STARD13: variants seen among roughly 807,000 people sequenced by gnomAD.
The protein encoded by STARD13 is stAR-related lipid transfer protein 13.
Under a neutral mutation model 106.4 loss-of-function variants are expected in STARD13, and 62 were observed. The ratio of observed to expected loss-of-function variants is 0.58; its 90% confidence interval spans 0.48 to 0.72. The LOEUF (loss-of-function observed/expected upper bound fraction) is 0.72. STARD13 is among the 30% of genes least tolerant of loss of function. The pLI is 0.00. For synonymous variants in STARD13, 565 were observed against 553.0 expected, an observed-to-expected ratio of 1.02 and a Z score of -0.31; for missense variants, 1,387 against 1,424.0, an observed-to-expected ratio of 0.97 and a Z score of 0.42.
the STARD13 span, among the ~76,000 whole-genome samples, chr13:33,425,489 T>C: frequency 6.6e-6 from 1 of 152,144 alleles, no homozygotes; most frequent in Non-Finnish European, 1.5e-5. Context: ...TTCTAGAATG[T>C]GTGCATTTGG....
chr13:33,655,116 T>A, the STARD13 span, among the ~76,000 whole-genome samples: 1 of 152,248 alleles, frequency 6.6e-6, no homozygotes, highest in Non-Finnish European at 1.5e-5. Flanking sequence ...TTGACTTTAA[T>A]GGGACGAGCA....
At chr13:33,609,431 C>CT in the STARD13 span, among the ~76,000 whole-genome samples, 1 of 152,100 alleles carries the variant, frequency 6.6e-6, no homozygotes, top group African/African-American at 2.4e-5. Flanking sequence ...ATCGGGTGCA[C>CT]TAAGTTTTGG....
chr13:33,674,575 T>C, the STARD13 span, among the ~76,000 whole-genome samples: 1 of 152,184 alleles, frequency 6.6e-6, no homozygotes, highest in African/African-American at 2.4e-5. Context: ...TCTCTACCTT[T>C]TGGGGACTGT....
the STARD13 span, among the ~76,000 whole-genome samples, chr13:33,579,794 G>A: frequency 6.6e-6 from 1 of 151,894 alleles, no homozygotes; most frequent in South Asian, 2.1e-4. Flanking sequence ...AAGACATGTA[G>A]ATGGCCAATA....
the STARD13 span, among the ~76,000 whole-genome samples, chr13:33,655,251 A>T: frequency 1.3e-5 from 2 of 152,254 alleles, no homozygotes; most frequent in African/African-American, 4.8e-5. Context: ...TTTGAATTGC[A>T]TGGACTAAAA....
intron 1 of STARD13, among the ~76,000 whole-genome samples, chr13:33,199,207 G>A (rs1254212202): frequency 2.0e-5 from 3 of 152,110 alleles, no homozygotes; most frequent in African/African-American, 7.2e-5. Context: ...TTAAATATGT[G>A]CCCCATAGCA....
intron 1 of STARD13, among the ~76,000 whole-genome samples, chr13:33,193,787 A>G (rs538450661): frequency 6.6e-6 from 1 of 152,332 alleles, no homozygotes; most frequent in South Asian, 2.1e-4. Context: ...GGAGAGAGAA[A>G]CTGTAGAGAT....
At chr13:33,120,400 A>G (rs1299651950) in intron 7 of STARD13, among the ~76,000 whole-genome samples, 2 of 152,020 alleles carry the variant, frequency 1.3e-5, no homozygotes, top group East Asian at 3.9e-4. Flanking sequence ...TATTTTAATT[A>G]TTTTAGACAT....
chr13:33,631,838 T>C, the STARD13 span, among the ~76,000 whole-genome samples: 1 of 152,206 alleles, frequency 6.6e-6, no homozygotes, highest in African/African-American at 2.4e-5. Context: ...TGATATCTGG[T>C]GAGCACATAA....
the STARD13 span, among the ~76,000 whole-genome samples, chr13:33,668,880 G>A: frequency 6.6e-6 from 1 of 152,170 alleles, no homozygotes; most frequent in African/African-American, 2.4e-5. Context: ...AGCAAAAATA[G>A]CAATTAAAAT....
At chr13:33,628,785 C>T in the STARD13 span, among the ~76,000 whole-genome samples, 1 of 152,232 alleles carries the variant, frequency 6.6e-6, no homozygotes, top group Admixed American at 6.5e-5. Context: ...TCAGATAGAC[C>T]TGCATTCAAA....
At chr13:33,242,753 T>TA (rs71693726) in intron 1 of STARD13, among the ~76,000 whole-genome samples, 9,666 of 148,820 alleles carry the variant, frequency 0.065, 346 homozygotes, top group Middle Eastern at 0.14. Flanking sequence ...CAGTAAATAC[T>TA]AAAAAAAAAA....
chr13:33,535,923 G>A, the STARD13 span, among the ~76,000 whole-genome samples: 2 of 152,290 alleles, frequency 1.3e-5, no homozygotes, highest in East Asian at 3.9e-4. Context: ...TATTGGAATG[G>A]AAGAGGACTG....
chr13:33,303,520 GT>G (rs1892796267), intron 1 of STARD13, among the ~76,000 whole-genome samples: 1 of 152,148 alleles, frequency 6.6e-6, no homozygotes, highest in Non-Finnish European at 1.5e-5. Flanking sequence ...CTGACATATG[GT>G]AGGGCTCAGT....
At chr13:33,229,163 G>A (rs1413389953) in intron 1 of STARD13, among the ~76,000 whole-genome samples, 1 of 152,198 alleles carries the variant, frequency 6.6e-6, no homozygotes, top group Non-Finnish European at 1.5e-5. Flanking sequence ...TAAAAGGCAT[G>A]CAACCAACGG....
the STARD13 span, among the ~76,000 whole-genome samples, chr13:33,499,725 T>TTCTCCC: frequency 1.4e-5 from 2 of 144,084 alleles, no homozygotes; most frequent in Non-Finnish European, 3.0e-5. Context: ...CTCCTTCTCC[T>TTCTCCC]TCTCCCTCTC....
the STARD13 span, among the ~76,000 whole-genome samples, chr13:33,636,575 T>C: frequency 6.6e-6 from 1 of 152,170 alleles, no homozygotes; most frequent in African/African-American, 2.4e-5. Flanking sequence ...CTTCTTCCTG[T>C]TTCAAAGTCT....
At chr13:33,323,036 AATC>A (rs1893616349) in intron 1 of STARD13, among the ~76,000 whole-genome samples, 1 of 152,220 alleles carries the variant, frequency 6.6e-6, no homozygotes, top group Non-Finnish European at 1.5e-5. Context: ...AGAAATTTGA[AATC>A]TCCATATTTT....
the STARD13 span, among the ~76,000 whole-genome samples, chr13:33,415,200 G>C: frequency 5.3e-5 from 8 of 152,004 alleles, no homozygotes; most frequent in African/African-American, 7.2e-5. Context: ...AACCCCGTCT[G>C]TACTAAAAAT....
Sources: allele counts gnomAD v4.1 joint callset (sites outside exome capture counted in the v4.1 genomes callset), GRCh38; gene constraint gnomAD v4.1.1; transcripts MANE v1.5; gene names NCBI Gene and HGNC (gene_info 2026-07-23, HGNC 2026-07-21).